Variants in ANXA5 observed in about 807,000 individuals in gnomAD.
ANXA5 encodes the protein CBP-I.
ANXA5 carries 40 observed loss-of-function variants against 48.1 expected under a neutral mutation model. That is an observed-to-expected ratio of 0.83 (90% CI 0.65 to 1.08). The LOEUF is 1.08. ANXA5 is among the 50% of genes least tolerant of loss of function. The pLI, the probability that ANXA5 is intolerant of heterozygous loss-of-function variation, is 0.00. For synonymous variants in ANXA5, 113 were observed against 129.1 expected, an observed-to-expected ratio of 0.88 and a Z score of 0.85; for missense variants, 357 against 376.8, an observed-to-expected ratio of 0.95 and a Z score of 0.44.
rs1725096587 is a variant in ANXA5 at position 121,696,933 on chromosome 4, C to T, written c.-106G>A. On this transcript the variant is annotated 5_prime_UTR_variant, in exon 1 of 13. Transcript: ENST00000296511. Reference sequence around the variant, plus strand: ...GAGAGCCGGGCGACGGTACGCGGGGCGACGCCGAGATGCAGACGCTGAAGG... The same window carrying T: ...GAGAGCCGGGCGACGGTACGCGGGGTGACGCCGAGATGCAGACGCTGAAGG... The T allele has an allele frequency of 4.4e-6, 1 of 225,836 alleles. No individual in the cohort carries two copies. 14.0% of individuals were successfully genotyped at this position (225,836 alleles called of 1,614,324 possible). A position where few individuals can be genotyped will look rare whatever the true frequency, so the allele number is the denominator to read the frequency against.
At chr4:121,672,899 C>A (rs928045342) in intron 8 of ANXA5, among the ~76,000 whole-genome samples, 4 of 152,154 alleles carry the variant, frequency 2.6e-5, no homozygotes, top group Non-Finnish European at 5.9e-5. Flanking sequence ...AAAATGTCTG[C>A]CATAACCTCC....
chr4:121,677,833 C>T, intron 8 of ANXA5, 61 bp downstream of exon 8: 1 of 1,386,286 alleles, frequency 7.2e-7, no homozygotes, highest in Non-Finnish European at 1.0e-6. Context: ...TTTTTCATTA[C>T]CATGAATTAT....
chr4:121,671,587 G>A lies in ANXA5; in HGVS notation c.681C>T (p.Arg227=), dbSNP rs147775952. 3.1e-3 allele frequency: 4,980 copies of A among 1,613,406 alleles called. 24 individuals are homozygous for A. The highest frequency in any genetic ancestry group is 0.016 in the Middle Eastern group (98 of 6,058). The change falls in exon 10 of 13, where the codon CGC becomes CGT. Residue 227 remains arginine (R), a synonymous_variant. Coordinates refer to ENST00000296511, the MANE Select transcript of ANXA5 (RefSeq NM_001154.4). The part of the protein sequence containing the change: ...SGFQIEETID[R]ETSGNLEQLL... ...GTTGCTCTAAATTGCCAGAAGTCTC[G>A]CGGTCAATGGTTTCCTCAATTTGAA... is the stretch of plus-strand genomic sequence containing the variant.
chr4:121,685,294 T>C (rs1386500410), intron 3 of ANXA5, among the ~76,000 whole-genome samples: 3 of 152,032 alleles, frequency 2.0e-5, no homozygotes, highest in African/African-American at 7.2e-5. Flanking sequence ...AGGCAAAATG[T>C]GACAAGTGCC....
intron 2 of ANXA5, among the ~76,000 whole-genome samples, chr4:121,691,436 T>C (rs1277763836): frequency 6.6e-6 from 1 of 152,244 alleles, no homozygotes; most frequent in Non-Finnish European, 1.5e-5. Flanking sequence ...AGTATTCACC[T>C]GTCTGGAACA....
In ANXA5 at chr4:121,696,569, G is replaced by A. The variant is rs1339616919; in HGVS notation, c.9+12C>T. ...GGGTAAATCCAGCGCAGTGGGGGGC[G>A]CACGGCCTTACCTGTGCCATGGCGA... On this transcript the variant is annotated intron_variant, in intron 2 of 12. Transcript: ENST00000296511. 5.7e-6 allele frequency: 8 copies of A among 1,400,516 alleles called. No homozygotes were observed. The South Asian group carries it at 9.2e-5, about 16-fold the overall frequency. The allele number at this position is 1,400,516 out of a possible 1,614,324, so 86.8% of individuals were successfully genotyped here.
At chr4:121,676,981 A>G (rs866807657) in intron 8 of ANXA5, among the ~76,000 whole-genome samples, 5 of 152,264 alleles carry the variant, frequency 3.3e-5, no homozygotes, top group South Asian at 4.1e-4. Context: ...CTGCACAGAG[A>G]GCCCTCGGTA....
At chr4:121,687,530 C>T (rs1404585052) in intron 2 of ANXA5, among the ~76,000 whole-genome samples, 1 of 152,132 alleles carries the variant, frequency 6.6e-6, no homozygotes, top group Non-Finnish European at 1.5e-5. Flanking sequence ...TCTTACATGT[C>T]TTATTATAAA....
intron 2 of ANXA5, among the ~76,000 whole-genome samples, chr4:121,687,231 C>T (rs1277483197): frequency 1.4e-5 from 2 of 148,054 alleles, no homozygotes; most frequent in African/African-American, 5.0e-5. Flanking sequence ...ACCTGGGAGG[C>T]GGAGCTTGCA....
chr4:121,678,829 T>A (rs3733650), intron 6 of ANXA5, among the ~76,000 whole-genome samples: 58,577 of 152,138 alleles, frequency 0.39, 13,460 homozygotes, highest in East Asian at 0.69. Flanking sequence ...AAACTCTGTT[T>A]TGCTTTCTTT....
chr4:121,696,778 G>A, intron 1 of ANXA5, 85 bp downstream of exon 1: 1 of 417,014 alleles, frequency 2.4e-6, no homozygotes, highest in Non-Finnish European at 4.2e-6. Context: ...GACAGCTCTC[G>A]GCCGAGCGTC....
At chr4:121,678,165 T>C (rs1724728308) in intron 7 of ANXA5, 5 of 609,396 alleles carry the variant, frequency 8.2e-6, no homozygotes, top group South Asian at 2.0e-5. Flanking sequence ...AAGAACAAGA[T>C]ACCGCTATCA....
rs966740178 is a variant in ANXA5, at chr4:121,689,501, T to C, written c.10-3129A>G. Among the ~76,000 whole-genome samples, 13 of 152,138 alleles carry C rather than the reference T, an allele frequency of 8.5e-5. No homozygotes were observed. The East Asian group carries it at 2.5e-3, about 29-fold the overall frequency. Reference sequence around the variant, plus strand: ...CATTTGAGAGGACTATATTGGGAAGTGTGAAAAGAGAAAAAATTCGGAAAA... The same window carrying C: ...CATTTGAGAGGACTATATTGGGAAGCGTGAAAAGAGAAAAAATTCGGAAAA... On this transcript the variant is annotated intron_variant, in intron 2 of 12. Coordinates refer to ENST00000296511, the MANE Select transcript of ANXA5 (RefSeq NM_001154.4).
At chr4:121,669,837 G>A (rs1219431232) in intron 11 of ANXA5, 113 bp from the exon 12 acceptor site, 9 of 1,459,044 alleles carry the variant, frequency 6.2e-6, no homozygotes, top group Non-Finnish European at 8.5e-6. Context: ...GTAGAACTGG[G>A]TTGAATGTTA....
At chr4:121,674,363 GAAAGA>G (rs1724663438) in intron 8 of ANXA5, among the ~76,000 whole-genome samples, 1 of 151,970 alleles carries the variant, frequency 6.6e-6, no homozygotes, top group Admixed American at 6.6e-5. Flanking sequence ...AAAGAGAAAG[GAAAGA>G]AAAGAAAAGT....
At chr4:121,691,125 T>A (rs1412644707) in intron 2 of ANXA5, among the ~76,000 whole-genome samples, 1 of 152,150 alleles carries the variant, frequency 6.6e-6, no homozygotes, top group Non-Finnish European at 1.5e-5. Flanking sequence ...CCTCAGTTCA[T>A]CCTCAATTCC....
intron 5 of ANXA5, 84 bp downstream of exon 5, chr4:121,683,280 A>T (rs965418702): frequency 1.3e-6 from 1 of 796,466 alleles, no homozygotes; most frequent in Non-Finnish European, 1.9e-6. Context: ...AAAATTTTTT[A>T]AATATAACAA....
chr4:121,691,545 C>T (rs911434569), intron 2 of ANXA5, among the ~76,000 whole-genome samples: 2 of 152,108 alleles, frequency 1.3e-5, no homozygotes, highest in South Asian at 2.1e-4. Context: ...GCACCCTCCC[C>T]CCACCTCCAG....
At chr4:121,674,858 T>C (rs141298605) in intron 8 of ANXA5, among the ~76,000 whole-genome samples, 182 of 152,278 alleles carry the variant, frequency 1.2e-3, no homozygotes, top group African/African-American at 4.2e-3. Flanking sequence ...TCAGCCTGAG[T>C]ACAGTTTCAT....
Sources: allele counts gnomAD v4.1 joint callset (sites outside exome capture counted in the v4.1 genomes callset), GRCh38; gene constraint gnomAD v4.1.1; transcripts MANE v1.5; gene names NCBI Gene and HGNC (gene_info 2026-07-23, HGNC 2026-07-21).